Variants in ST6GAL1 observed in about 807,000 individuals in gnomAD.
ST6GAL1 encodes the protein beta-galactoside alpha-2,6-sialyltransferase 1.
In ST6GAL1, 20 loss-of-function variants were observed where a neutral mutation model predicts 38.0. The ratio of observed to expected loss-of-function variants is 0.53; its 90% CI spans 0.37 to 0.77. The LOEUF is 0.77. Ranked by LOEUF, ST6GAL1 falls within the 30% of genes least tolerant of loss-of-function variation. The pLI is 0.00. For synonymous variants in ST6GAL1, 196 were observed against 188.2 expected, an observed-to-expected ratio of 1.04 and a Z score of -0.34; for missense variants, 432 against 496.4, an observed-to-expected ratio of 0.87 and a Z score of 1.23.
At chr3:186,954,178 T>A (rs1218437579) in intron 1 of ST6GAL1, among the ~76,000 whole-genome samples, 4 of 152,258 alleles carry the variant, frequency 2.6e-5, no homozygotes, top group Non-Finnish European at 2.9e-5. Context: ...TTTTTATGGC[T>A]GCATAGTATT....
At chr3:187,051,560 C>T in intron 5 of ST6GAL1, 1 of 496,880 alleles carries the variant, frequency 2.0e-6, no homozygotes, top group African/African-American at 1.9e-5. Context: ...TTAGTGTCTG[C>T]TAATGGAGGT....
At chr3:186,945,077 G>A (rs1560136880) in intron 1 of ST6GAL1, among the ~76,000 whole-genome samples, 2 of 152,170 alleles carry the variant, frequency 1.3e-5, no homozygotes, top group African/African-American at 4.8e-5. Flanking sequence ...CTAGCACTTT[G>A]GGAGGCAGAA....
At chr3:187,000,220 A>C (rs1579310945) in intron 2 of ST6GAL1, among the ~76,000 whole-genome samples, 1 of 152,154 alleles carries the variant, frequency 6.6e-6, no homozygotes, top group East Asian at 1.9e-4. Flanking sequence ...TTGCAAAGCA[A>C]GCTTTTAATA....
Position 187,077,130 on chromosome 3 carries a change from C to T in ST6GAL1, c.*1327C>T, listed in dbSNP as rs1422199548. The T allele has an allele frequency of 2.5e-6, 1 of 397,786 alleles. No individual in the cohort carries two copies. The highest frequency in any genetic ancestry group is 4.4e-6 in the Non-Finnish European group (1 of 225,818). The allele number at this position is 397,786 out of a possible 1,614,324, so 24.6% of individuals were successfully genotyped here. ...GAGGTCAGAACCTTGGAGATCAGAA[C>T]TGATTCTCACCAGGTGTGAGAGGTG... On this transcript the variant is annotated 3_prime_UTR_variant, in exon 8 of 8. Coordinates refer to ENST00000169298, the MANE Select transcript of ST6GAL1 (RefSeq NM_173216.2).
chr3:186,972,740 G>A (rs561474005), intron 2 of ST6GAL1, among the ~76,000 whole-genome samples: 1 of 152,130 alleles, frequency 6.6e-6, no homozygotes, highest in African/African-American at 2.4e-5. Flanking sequence ...CTGACGAACT[G>A]GGGTAAGGCA....
At chr3:187,073,950 C>T (rs1406916513) in intron 6 of ST6GAL1, 3 of 408,330 alleles carry the variant, frequency 7.3e-6, no homozygotes, top group Non-Finnish European at 8.5e-6. Context: ...CCCCAAAGCA[C>T]AGGCTATAGG....
intron 4 of ST6GAL1, among the ~76,000 whole-genome samples, chr3:187,046,562 G>T (rs949974167): frequency 2.0e-5 from 3 of 152,218 alleles, no homozygotes; most frequent in African/African-American, 7.2e-5. Flanking sequence ...AGTCAGAAGG[G>T]TCAGAGACCG....
At chr3:187,051,500 T>A in intron 5 of ST6GAL1, 154 bp downstream of exon 5, 1 of 646,832 alleles carries the variant, frequency 1.5e-6, no homozygotes, top group Non-Finnish European at 2.7e-6. Flanking sequence ...AGACAATGAT[T>A]CCATGACCCA....
intron 2 of ST6GAL1, among the ~76,000 whole-genome samples, chr3:186,992,022 T>G (rs59144619): frequency 0.073 from 11,172 of 152,236 alleles, 952 homozygotes; most frequent in African/African-American, 0.2. Flanking sequence ...ATCCAGTTCT[T>G]CAAACTGAGC....
At chr3:186,999,058 G>C (rs1478001555) in intron 2 of ST6GAL1, among the ~76,000 whole-genome samples, 5 of 152,216 alleles carry the variant, frequency 3.3e-5, no homozygotes, top group African/African-American at 4.8e-5. Context: ...AAGGGGGCCC[G>C]GGGGCAATGC....
chr3:187,026,970 A>G (rs533899052), intron 2 of ST6GAL1, among the ~76,000 whole-genome samples: 33 of 152,010 alleles, frequency 2.2e-4, no homozygotes, highest in African/African-American at 7.5e-4. Context: ...AATGGAGTGA[A>G]CCCTGGAGGC....
chr3:186,938,087 G>C (rs1481377695), intron 1 of ST6GAL1, among the ~76,000 whole-genome samples: 1 of 152,110 alleles, frequency 6.6e-6, no homozygotes, highest in Non-Finnish European at 1.5e-5. Context: ...GAAATGAAAT[G>C]AAATAAAATA....
At chr3:187,047,152 A>G (rs1191240556) in intron 4 of ST6GAL1, among the ~76,000 whole-genome samples, 1 of 152,004 alleles carries the variant, frequency 6.6e-6, no homozygotes, top group African/African-American at 2.4e-5. Flanking sequence ...TCACCGTGTT[A>G]GCCAGGATGG....
rs78728252 is a variant in ST6GAL1, at chr3:187,036,743, G to A, written c.-182-1999G>A. 2.0e-5 allele frequency among the ~76,000 whole-genome samples: 3 copies of A among 152,098 alleles called. No homozygotes were observed. In the East Asian group the frequency reaches 5.8e-4, roughly 29 times the overall value. On this transcript the variant is annotated intron_variant, in intron 2 of 7. Transcript: ENST00000169298. ...AAAGATGGCAATAATAAACACTGGG[G>A]ACTACAAGACGGGGAAGGCTGGGGA...
At chr3:186,985,106 A>G (rs1715863874) in intron 2 of ST6GAL1, among the ~76,000 whole-genome samples, 1 of 151,552 alleles carries the variant, frequency 6.6e-6, no homozygotes, top group South Asian at 2.1e-4. Context: ...ATAGGGTTTC[A>G]CCTTGTTGGT....
Position 186,935,000 on chromosome 3 carries a change from A to AT in ST6GAL1, c.-325+4174dup, listed in dbSNP as rs1228680657. Among the ~76,000 whole-genome samples, 12 of 151,802 alleles carry AT rather than the reference A, an allele frequency of 7.9e-5. No homozygotes were observed. In the East Asian group the frequency reaches 2.3e-3, roughly 29 times the overall value. On this transcript the variant is annotated intron_variant, in intron 1 of 7. Coordinates refer to ENST00000169298, the MANE Select transcript of ST6GAL1 (RefSeq NM_173216.2). ...CAGGATGGTCTCGATCAAAAATTTT[A>AT]TTTTTTTTAAACTTTTATTTTGGGT... is the stretch of plus-strand genomic sequence containing the variant.
chr3:187,025,027 G>A (rs1002652378), intron 2 of ST6GAL1, among the ~76,000 whole-genome samples: 3 of 150,006 alleles, frequency 2.0e-5, no homozygotes, highest in Non-Finnish European at 4.4e-5. Flanking sequence ...GTGTCTGTGT[G>A]TGTGTGTCTC....
chr3:186,960,656 C>T (rs1405749244), intron 1 of ST6GAL1, among the ~76,000 whole-genome samples: 2 of 151,334 alleles, frequency 1.3e-5, no homozygotes, highest in Non-Finnish European at 2.9e-5. Context: ...ATATAATCTA[C>T]TTAATAGAAA....
chr3:187,059,503 C>T (rs1247700919), intron 5 of ST6GAL1, among the ~76,000 whole-genome samples: 1 of 152,206 alleles, frequency 6.6e-6, no homozygotes, highest in African/African-American at 2.4e-5. Flanking sequence ...TTAATTCATT[C>T]ATTCAACAAA....
Sources: gnomAD v4.1 joint callset for allele counts (sites outside exome capture counted in the v4.1 genomes callset) on GRCh38, gnomAD v4.1.1 for gene constraint, MANE v1.5 for transcripts, NCBI Gene and HGNC (gene_info 2026-07-23, HGNC 2026-07-21) for gene names.